The following COPB1 variants were observed in gnomAD, a reference collection of about 807,000 sequenced individuals.
COPB1 encodes coat protein complex I subunit beta 1.
A neutral mutation model predicts 108.7 loss-of-function variants in COPB1; 21 were observed. That is an observed-to-expected ratio of 0.19 (90% CI 0.14 to 0.28). The LOEUF is 0.28. Among genes scored for constraint, COPB1 ranks in the 10% least tolerant of loss-of-function variants. The pLI is 1.00. For synonymous variants in COPB1, 378 were observed against 386.8 expected (o/e 0.98, Z 0.27); for missense variants, 919 against 1,141.3 (o/e 0.81, Z 2.81).
intron 16 of COPB1, among the ~76,000 whole-genome samples, chr11:14,467,202 A>G (rs1410272669): frequency 6.6e-6 from 1 of 152,008 alleles, no homozygotes; most frequent in Non-Finnish European, 1.5e-5. Context: ...AAAAAAACCA[A>G]CAACCCAATT....
intron 11 of COPB1, among the ~76,000 whole-genome samples, chr11:14,477,379 G>A (rs1360953491): frequency 1.8e-4 from 3 of 16,350 alleles, no homozygotes; most frequent in Admixed American, 8.5e-4. Flanking sequence ...GACAGAGCGA[G>A]ACTCCGTCTC....
chr11:14,470,307 G>A (rs1850371550), intron 14 of COPB1, among the ~76,000 whole-genome samples: 1 of 152,068 alleles, frequency 6.6e-6, no homozygotes, highest in South Asian at 2.1e-4. Context: ...GTGATGTTTT[G>A]TATTTCACCC....
chr11:14,477,521 A>G (rs1363191400), intron 11 of COPB1, among the ~76,000 whole-genome samples: 1 of 150,522 alleles, frequency 6.6e-6, no homozygotes, highest in Non-Finnish European at 1.5e-5. Context: ...GTGAAACCCC[A>G]TCTCTACTAA....
At chr11:14,459,460 T>C (rs1472915966) in intron 20 of COPB1, among the ~76,000 whole-genome samples, 2 of 152,066 alleles carry the variant, frequency 1.3e-5, no homozygotes, top group Non-Finnish European at 2.9e-5. Flanking sequence ...TCCAGCTTCA[T>C]TTTTCTTTCT....
At chr11:14,462,963 G>C (rs573824584) in intron 18 of COPB1, among the ~76,000 whole-genome samples, 93 of 152,176 alleles carry the variant, frequency 6.1e-4, no homozygotes, top group African/African-American at 2.2e-3. Context: ...TACACTACCT[G>C]TATTTCTTCA....
Position 14,483,048 on chromosome 11 carries a change from T to A in COPB1, c.941A>T (p.His314Leu). The A allele has an allele frequency of 1.3e-6, 2 of 1,572,784 alleles. No homozygotes were observed. Among genetic ancestry groups the A allele is most frequent in the Non-Finnish European group, 1.7e-6 (2 of 1,149,482 alleles). ...AACACTTACCTGTAGTACTCGTTCATGAGCAGGATGCTCTTTTAATTCTAT... is the reference window on the plus strand; with the variant it reads ...AACACTTACCTGTAGTACTCGTTCAAGAGCAGGATGCTCTTTTAATTCTAT... ...RLIELKEHPAHERVLQDLVMD... is the reference protein window; with the variant it reads ...RLIELKEHPALERVLQDLVMD... The change falls in exon 8 of 22, where the codon CAT (histidine) becomes CTT (leucine). Residue 314 changes from histidine (H) to leucine (L), a missense_variant. Physicochemically the swap from His to Leu is moderately conservative, Grantham distance 99 (BLOSUM62 -3). This residue lies in a region of COPB1 where 705 missense variants were observed against 817.8 expected (regional missense o/e 0.86). Coordinates refer to ENST00000439561, the MANE Select transcript of COPB1 (RefSeq NM_001144061.2).
chr11:14,458,809 C>A lies in COPB1; in HGVS notation c.2647-122G>T, dbSNP rs546561605. The A allele has an allele frequency of 1.2e-5, 11 of 913,478 alleles. No individual in the cohort carries two copies. In the Middle Eastern group the frequency reaches 2.4e-3, roughly 203 times the overall value. 56.6% of individuals were successfully genotyped at this position (913,478 alleles called of 1,614,324 possible). ...GACAGAGTCTCACTCTGTTGTCCAG[C>A]TTGGAGCTGGAGTGCAGTGGCGTGA... On this transcript the variant is annotated intron_variant, in intron 20 of 21. Coordinates refer to ENST00000439561, the MANE Select transcript of COPB1 (RefSeq NM_001144061.2).
rs1390322816 is a variant in COPB1 at position 14,498,976 on chromosome 11, G to A, written c.-48C>T. ...AATCCTTGACACAAGATTTAAGGAT[G>A]CCAGAAAATCTAGAAAAATAAACAC... On this transcript the variant is annotated 5_prime_UTR_variant, in exon 2 of 22. Transcript: ENST00000439561. 6.9e-7 allele frequency: 1 copy of A among 1,441,438 alleles called. No individual in the cohort carries two copies. Among genetic ancestry groups the A allele is most frequent in the Non-Finnish European group, 9.5e-7 (1 of 1,054,840 alleles). 89.3% of individuals were successfully genotyped at this position (1,441,438 alleles called of 1,614,324 possible). A position where few individuals can be genotyped will look rare whatever the true frequency, so the allele number is the denominator to read the frequency against.
intron 11 of COPB1, among the ~76,000 whole-genome samples, chr11:14,478,613 C>T (rs1427950306): frequency 1.3e-5 from 2 of 151,414 alleles, no homozygotes; most frequent in East Asian, 3.9e-4. Flanking sequence ...TTCATTCATT[C>T]ATTTAGATTA....
chr11:14,498,612 A>T (rs1397144661), intron 2 of COPB1, among the ~76,000 whole-genome samples: 1 of 152,212 alleles, frequency 6.6e-6, no homozygotes, highest in Non-Finnish European at 1.5e-5. Flanking sequence ...GAATATCTAA[A>T]CTATTACAAT....
intron 4 of COPB1, among the ~76,000 whole-genome samples, chr11:14,492,054 CT>C (rs1565024190): frequency 6.6e-6 from 1 of 152,126 alleles, no homozygotes; most frequent in Non-Finnish European, 1.5e-5. Flanking sequence ...CCAAATTTAC[CT>C]CTTGCCATAT....
rs565508318 is a variant in COPB1, at chr11:14,470,854, C to T, written c.1738-1291G>A. ...ACTAAGGCATATCCTAATCAAATTACTGAAACCAAGTGAAAAGGAGAAAAT... is the reference window on the plus strand; with the variant it reads ...ACTAAGGCATATCCTAATCAAATTATTGAAACCAAGTGAAAAGGAGAAAAT... On this transcript the variant is annotated intron_variant, in intron 14 of 21. Transcript: ENST00000439561. 3.8e-4 allele frequency among the ~76,000 whole-genome samples: 58 copies of T among 151,276 alleles called. No homozygotes were observed. The Middle Eastern group carries it at 0.014, about 35-fold the overall frequency.
intron 5 of COPB1, among the ~76,000 whole-genome samples, chr11:14,489,148 T>C (rs984176822): frequency 6.6e-6 from 1 of 152,182 alleles, no homozygotes; most frequent in African/African-American, 2.4e-5. Context: ...TAATCTTGTT[T>C]AGGAAGACAA....
In COPB1 at chr11:14,476,925, A is replaced by G; in HGVS notation, c.1449T>C (p.Leu483=). The G allele has an allele frequency of 6.2e-7, 1 of 1,602,276 alleles. No individual in the cohort carries two copies. The highest frequency in any genetic ancestry group is 1.7e-5 in the Admixed American group (1 of 59,960). ...QSVMTEIRRS[L]GEIPIVESEI... The stretch of plus-strand genomic sequence containing the variant: ...TTACTAAAGTAAAACATACCTCTCC[A>G]AGGGACCTGCGGATCTCAGTCATCA... The change falls in exon 12 of 22, where the codon CTT becomes CTC. Residue 483 remains leucine (L), a synonymous_variant. Coordinates refer to ENST00000439561, the MANE Select transcript of COPB1 (RefSeq NM_001144061.2).
rs1589957993 is a variant in COPB1, at chr11:14,474,572, C to T, written c.1660G>A (p.Ala554Thr). Residue 554 changes from alanine (A) to threonine (T), a missense_variant, in exon 14 of 22, where the codon GCT becomes ACT. Transcript: ENST00000439561. ...GTCAGAGTTGTGGCAAGGGAGGCAG[C>T]AACAAAGAAATCTCCATCCAGAAGG... ...GFLLDGDFFV[A>T]ASLATTLTKI... The T allele has an allele frequency of 6.2e-7, 1 of 1,613,906 alleles. No individual in the cohort carries two copies. Among genetic ancestry groups the T allele is most frequent in the Non-Finnish European group, 8.5e-7 (1 of 1,179,918 alleles).
chr11:14,473,606 C>T (rs530761434), intron 14 of COPB1, among the ~76,000 whole-genome samples: 2 of 152,204 alleles, frequency 1.3e-5, no homozygotes, highest in East Asian at 1.9e-4. Context: ...TTATTGATTA[C>T]GTTTACTATT....
chr11:14,492,571 G>A (rs920485015), intron 4 of COPB1, among the ~76,000 whole-genome samples: 5 of 151,518 alleles, frequency 3.3e-5, no homozygotes, highest in African/African-American at 4.9e-5. Context: ...TCGAACTCCC[G>A]ACCTCAGGTT....
At chr11:14,460,577 C>T (rs1324902801) in intron 19 of COPB1, among the ~76,000 whole-genome samples, 2 of 151,558 alleles carry the variant, frequency 1.3e-5, no homozygotes, top group African/African-American at 2.4e-5. Context: ...GAGTGCAGTG[C>T]GTCATTTCAG....
chr11:14,466,213 C>T (rs1214834220), intron 17 of COPB1, 69 bp downstream of exon 17: 20 of 1,416,900 alleles, frequency 1.4e-5, no homozygotes, highest in Non-Finnish European at 1.7e-5. Context: ...GAAACCTGTG[C>T]ACCTCCCTTA....
Sources: allele counts gnomAD v4.1 joint callset (sites outside exome capture counted in the v4.1 genomes callset), GRCh38; gene constraint gnomAD v4.1.1; regional missense constraint gnomAD v4.1.1; transcripts MANE v1.5; gene names NCBI Gene and HGNC (gene_info 2026-07-23, HGNC 2026-07-21).